MCCC2: variants seen among roughly 807,000 people sequenced by gnomAD.
The protein encoded by MCCC2 is methylcrotonoyl-CoA carboxylase beta chain, mitochondrial.
In MCCC2, 52 loss-of-function variants were observed where a neutral mutation model predicts 77.2. The ratio of observed to expected loss-of-function variants is 0.67; its 90% CI spans 0.54 to 0.85. The LOEUF is 0.85. Among genes scored for constraint, MCCC2 ranks in the 40% least tolerant of loss-of-function variants. The pLI is 0.00. For missense variants in MCCC2, 682 were observed against 703.2 expected (o/e 0.97, Z 0.34); for synonymous variants, 253 against 248.4 (o/e 1.02, Z -0.18).
chr5:71,649,635 C>T (rs1041433631), intron 14 of MCCC2, among the ~76,000 whole-genome samples: 57 of 152,248 alleles, frequency 3.7e-4, no homozygotes, highest in African/African-American at 5.8e-4. Context: ...ACGTTAAACC[C>T]GTGACAAATA....
At chr5:71,621,982 C>T (rs570167135) in intron 6 of MCCC2, among the ~76,000 whole-genome samples, 11 of 152,206 alleles carry the variant, frequency 7.2e-5, no homozygotes, top group African/African-American at 2.6e-4. Context: ...CATTGCATGC[C>T]TGTATCAAAA....
At position 71,646,698 on chromosome 5, in the gene MCCC2, CTA is replaced by C. The variant is rs551861911; in HGVS notation, c.1216+423_1216+424del. On this transcript the variant is annotated intron_variant, in intron 13 of 16. Transcript: ENST00000340941. The stretch of plus-strand genomic sequence containing the variant: ...GATTATCCATATTTTCTAAGTGAAG[CTA>C]TTTCTGAGTTATGTACCTGATCAGC... 5.3e-5 allele frequency among the ~76,000 whole-genome samples: 8 copies of C among 152,250 alleles called. No homozygotes were observed. In the East Asian group the frequency reaches 1.5e-3, roughly 29 times the overall value.
At chr5:71,646,402 T>A in intron 13 of MCCC2, 125 bp downstream of exon 13, 1 of 811,372 alleles carries the variant, frequency 1.2e-6, no homozygotes, top group Non-Finnish European at 2.1e-6. Flanking sequence ...CTGGACATGC[T>A]CTTTCTGGAG....
intron 6 of MCCC2, among the ~76,000 whole-genome samples, chr5:71,617,704 T>G (rs1214452987): frequency 6.6e-6 from 1 of 152,360 alleles, no homozygotes; most frequent in East Asian, 1.9e-4. Context: ...ATTTCGATAG[T>G]AAGCACCAGC....
intron 6 of MCCC2, among the ~76,000 whole-genome samples, chr5:71,620,018 T>G (rs2112391695): frequency 6.6e-6 from 1 of 151,352 alleles, no homozygotes; most frequent in Admixed American, 6.6e-5. Flanking sequence ...TTTCAACCTG[T>G]GATGGAGATG....
At position 71,607,840 on chromosome 5, in the gene MCCC2, G is replaced by A. The variant is rs1275039448; in HGVS notation, c.624+3372G>A. Among the ~76,000 whole-genome samples, 479 of 145,480 alleles carry A rather than the reference G, an allele frequency of 3.3e-3. 1 individual carries two copies. The highest frequency in any genetic ancestry group is 0.012 in the African/African-American group (462 of 39,002). On this transcript the variant is annotated intron_variant, in intron 6 of 16. Transcript: ENST00000340941. Reference sequence around the variant, plus strand: ...GCCTTCATTTCGTTATGTACCCAGTGGTCATTCAGGAGCAGGTTGTTCAGT... The same window carrying A: ...GCCTTCATTTCGTTATGTACCCAGTAGTCATTCAGGAGCAGGTTGTTCAGT...
chr5:71,652,285 A>G (rs1747456971), intron 15 of MCCC2, among the ~76,000 whole-genome samples: 1 of 152,180 alleles, frequency 6.6e-6, no homozygotes, highest in African/African-American at 2.4e-5. Flanking sequence ...CTTAAGTTTT[A>G]AATTTTGGCT....
rs1191603972 is a variant in MCCC2, at chr5:71,633,127, ATATATT to A, written c.803+944_803+949del. On this transcript the variant is annotated intron_variant, in intron 8 of 16. Coordinates refer to ENST00000340941, the MANE Select transcript of MCCC2 (RefSeq NM_022132.5). ...TATATATATATATATATATATATAT[ATATATT>A]TTTATTTTTTGTAGAAACAGGTGTC... Among the ~76,000 whole-genome samples the A allele has an allele frequency of 3.5e-3, 226 of 63,794 alleles. 6 individuals are homozygous for A. The highest frequency in any genetic ancestry group is 0.012 in the African/African-American group (214 of 18,330). The allele number at this position is 63,794 out of a possible 152,430, so 41.9% of individuals were successfully genotyped here. A position where few individuals can be genotyped will look rare whatever the true frequency, so the allele number is the denominator to read the frequency against.
At chr5:71,629,269 G>A (rs1429119721) in intron 7 of MCCC2, among the ~76,000 whole-genome samples, 1 of 152,046 alleles carries the variant, frequency 6.6e-6, no homozygotes, top group African/African-American at 2.4e-5. Context: ...ATGAAATATT[G>A]AGAATAGGCA....
At chr5:71,619,718 A>T (rs412766) in intron 6 of MCCC2, among the ~76,000 whole-genome samples, 45,821 of 151,922 alleles carry the variant, frequency 0.3, 8,027 homozygotes, top group East Asian at 0.52. Context: ...AATGCATTTC[A>T]AAGCAGGCAC....
chr5:71,593,037 G>A (rs779421176), intron 2 of MCCC2, 45 bp downstream of exon 2: 2 of 1,466,016 alleles, frequency 1.4e-6, no homozygotes, highest in Non-Finnish European at 1.9e-6. Context: ...TACTTAAGAT[G>A]TCCTAAAATA....
At chr5:71,588,817 CCATGT>C (rs1439841389) in intron 1 of MCCC2, among the ~76,000 whole-genome samples, 4 of 152,000 alleles carry the variant, frequency 2.6e-5, no homozygotes, top group African/African-American at 7.3e-5. Flanking sequence ...GACTTGAATT[CCATGT>C]CTAGGACATG....
chr5:71,609,892 T>C lies in MCCC2; in HGVS notation c.624+5424T>C, dbSNP rs1182430842. 2.0e-5 allele frequency among the ~76,000 whole-genome samples: 3 copies of C among 151,620 alleles called. No individual in the cohort carries two copies. In the East Asian group the frequency reaches 5.8e-4, roughly 30 times the overall value. On this transcript the variant is annotated intron_variant, in intron 6 of 16. Transcript: ENST00000340941. ...AGTTAGGCTGCTCGGGGGTCAGGGGTCAGGGACCCACTTGAGGAGGCAGTC... is the reference window on the plus strand; with the variant it reads ...AGTTAGGCTGCTCGGGGGTCAGGGGCCAGGGACCCACTTGAGGAGGCAGTC...
chr5:71,602,206 A>G (rs1222896225), intron 4 of MCCC2, among the ~76,000 whole-genome samples: 1 of 152,088 alleles, frequency 6.6e-6, no homozygotes, highest in Non-Finnish European at 1.5e-5. Flanking sequence ...CATTCAAAGA[A>G]CCATTATGAC....
intron 6 of MCCC2, among the ~76,000 whole-genome samples, chr5:71,610,071 T>C (rs1229832951): frequency 1.3e-5 from 2 of 152,254 alleles, no homozygotes; most frequent in African/African-American, 4.8e-5. Flanking sequence ...CAGGCAGGCC[T>C]CCTTGAGCTG....
At chr5:71,588,279 A>G (rs1051667266) in intron 1 of MCCC2, among the ~76,000 whole-genome samples, 1 of 152,092 alleles carries the variant, frequency 6.6e-6, no homozygotes. Flanking sequence ...AAAAAAAAAA[A>G]AAAAAAAAAG....
intron 13 of MCCC2, 83 bp downstream of exon 13, chr5:71,646,360 T>G (rs1016429148): frequency 1.4e-5 from 17 of 1,212,336 alleles, no homozygotes; most frequent in Non-Finnish European, 1.5e-5. Flanking sequence ...ACAGCACACA[T>G]GTAGACCACT....
At chr5:71,635,450 G>A (rs1313696249) in intron 10 of MCCC2, 5 of 648,714 alleles carry the variant, frequency 7.7e-6, no homozygotes, top group East Asian at 5.9e-5. Flanking sequence ...GAGGGGAGTG[G>A]GGGACCTCAA....
chr5:71,627,984 C>T (rs974219710), intron 7 of MCCC2, among the ~76,000 whole-genome samples: 3 of 152,132 alleles, frequency 2.0e-5, no homozygotes, highest in African/African-American at 7.2e-5. Flanking sequence ...GCTGGGATTA[C>T]AGGTGCACGC....
Sources: gnomAD v4.1 joint callset for allele counts (sites outside exome capture counted in the v4.1 genomes callset) on GRCh38, gnomAD v4.1.1 for gene constraint, MANE v1.5 for transcripts, NCBI Gene and HGNC (gene_info 2026-07-23, HGNC 2026-07-21) for gene names.